PMEPA1: variants seen among roughly 807,000 people sequenced by gnomAD.
PMEPA1 encodes prostate transmembrane protein, androgen induced 1.
Under a neutral mutation model 23.0 loss-of-function variants are expected in PMEPA1, and 11 were observed. The observed-to-expected ratio is 0.48, with a 90% CI of 0.30 to 0.79. The LOEUF is 0.79. Ranked by LOEUF, PMEPA1 falls within the 30% of genes least tolerant of loss-of-function variation. PMEPA1 has a pLI of 0.06. For missense variants in PMEPA1, 377 were observed against 390.9 expected (o/e 0.96, Z 0.30); for synonymous variants, 204 against 166.4 (o/e 1.23, Z -1.74).
At chr20:57,676,426 T>C (rs399966) in intron 1 of PMEPA1, among the ~76,000 whole-genome samples, 1 of 152,206 alleles carries the variant, frequency 6.6e-6, no homozygotes, top group Non-Finnish European at 1.5e-5. Context: ...TGGCAAAGCA[T>C]GCATGCTGAC....
chr20:57,701,164 C>G (rs1003999033), intron 1 of PMEPA1, among the ~76,000 whole-genome samples: 2 of 152,008 alleles, frequency 1.3e-5, no homozygotes, highest in Non-Finnish European at 2.9e-5. Flanking sequence ...TTCTTCCTAC[C>G]CCCATTCCCA....
intron 1 of PMEPA1, among the ~76,000 whole-genome samples, chr20:57,707,535 C>T (rs999254336): frequency 2.6e-5 from 4 of 151,984 alleles, no homozygotes; most frequent in Admixed American, 2.6e-4. Context: ...CTGGCGGCGG[C>T]GGGGCAAAGT....
chr20:57,674,471 G>A lies in PMEPA1; in HGVS notation c.110-14774C>T, dbSNP rs1312314442. Among the ~76,000 whole-genome samples, 9 of 152,352 alleles carry A rather than the reference G, an allele frequency of 5.9e-5. No homozygotes were observed. In the South Asian group the frequency reaches 1.9e-3, roughly 32 times the overall value. On this transcript the variant is annotated intron_variant, in intron 1 of 3. Transcript: ENST00000341744. ...CGGGGTTATTTTATTACAGCGGCCT[G>A]AGCAGAATAATACACCTTGTTTAGA...
At chr20:57,705,447 G>T (rs2072068692) in intron 1 of PMEPA1, among the ~76,000 whole-genome samples, 1 of 152,246 alleles carries the variant, frequency 6.6e-6, no homozygotes, top group African/African-American at 2.4e-5. Context: ...GGGGAGAACA[G>T]CTGGTGTTGG....
chr20:57,652,195 C>G lies in PMEPA1; in HGVS notation c.722G>C (p.Gly241Ala), dbSNP rs755633592. 4 of 1,609,708 alleles carry G rather than the reference C, an allele frequency of 2.5e-6. No homozygotes were observed. The highest frequency in any genetic ancestry group is 2.2e-5 in the South Asian group (2 of 90,698). Reference protein sequence around the residue: ...TYSEVIGHYPGSSFQHQQSSG... With the variant: ...TYSEVIGHYPASSFQHQQSSG... Reference sequence around the variant, plus strand: ...GCTCTGCTGGTGCTGGAAGGAGGACCCCGGGTAGTGGCCGATGACCTCGCT... The same window carrying G: ...GCTCTGCTGGTGCTGGAAGGAGGACGCCGGGTAGTGGCCGATGACCTCGCT... The change falls in exon 4 of 4, where the codon GGG becomes GCG. Residue 241 changes from glycine (G) to alanine (A), a missense_variant. Around this residue, in one of 3 missense-constraint regions of PMEPA1, gnomAD observed 176 missense variants for 173.0 expected, o/e 1.02. Coordinates refer to ENST00000341744, the MANE Select transcript of PMEPA1 (RefSeq NM_020182.5). The surrounding 1 kb of genome is among the most constrained non-coding windows in gnomAD (Gnocchi z 6.1).
chr20:57,652,031 C>T lies in PMEPA1; in HGVS notation c.*22G>A, dbSNP rs376576339. ...TTCTGCCTTTTCACCTACGCAGCCCCAGCCCGGCCCCCCTGGGGACCCTAG... is the reference window on the plus strand; with the variant it reads ...TTCTGCCTTTTCACCTACGCAGCCCTAGCCCGGCCCCCCTGGGGACCCTAG... On this transcript the variant is annotated 3_prime_UTR_variant, in exon 4 of 4. Transcript: ENST00000341744. This position sits in a 1 kb window ranked among gnomAD's most constrained non-coding sequence, Gnocchi z 6.1. 125 of 1,456,212 alleles carry T rather than the reference C, an allele frequency of 8.6e-5. No individual in the cohort carries two copies. Among genetic ancestry groups the T allele is most frequent in the Non-Finnish European group, 1.1e-4 (120 of 1,100,078 alleles). 90.2% of individuals were successfully genotyped at this position (1,456,212 alleles called of 1,614,324 possible). A position where few individuals can be genotyped will look rare whatever the true frequency, so the allele number is the denominator to read the frequency against.
rs1356151508 is a variant in PMEPA1, at chr20:57,705,153, G to A, written c.109+4321C>T. The stretch of plus-strand genomic sequence containing the variant: ...TGTGTGCGCGTGTGTGTGTCTGCAC[G>A]TGTGCGCATGCAAGCACCCACTCAC... On this transcript the variant is annotated intron_variant, in intron 1 of 3. Transcript: ENST00000341744. Among the ~76,000 whole-genome samples the A allele has an allele frequency of 1.1e-4, 16 of 152,356 alleles. No individual in the cohort carries two copies. The South Asian group carries it at 2.1e-3, about 20-fold the overall frequency.
upstream of PMEPA1, chr20:57,710,126 G>A (rs1475316493): frequency 2.5e-6 from 2 of 789,006 alleles, no homozygotes; most frequent in African/African-American, 1.8e-5. Flanking sequence ...GAGCCGGGGG[G>A]CGGGGTGACG....
intron 1 of PMEPA1, among the ~76,000 whole-genome samples, chr20:57,662,625 T>C (rs537934325): frequency 6.6e-6 from 1 of 152,234 alleles, no homozygotes; most frequent in African/African-American, 2.4e-5. Context: ...CCTGATTCTG[T>C]AGGGCCCAGG....
rs2071327180 is a variant in PMEPA1, at chr20:57,656,378, G to A, written c.264+3165C>T. 6.6e-6 allele frequency among the ~76,000 whole-genome samples: 1 copy of A among 151,756 alleles called. No individual in the cohort carries two copies. The highest frequency in any genetic ancestry group is 2.1e-4 in the South Asian group (1 of 4,808). ...GGTGGGCTGGGTTCTCTCGGGAGCA[G>A]GAGACCCACACTGAGGACTGATTGG... On this transcript the variant is annotated intron_variant, in intron 2 of 3. Coordinates refer to ENST00000341744, the MANE Select transcript of PMEPA1 (RefSeq NM_020182.5). The surrounding 1 kb of genome is among the most constrained non-coding windows in gnomAD (Gnocchi z 4.7).
chr20:57,679,032 C>T (rs1012849316), intron 1 of PMEPA1, among the ~76,000 whole-genome samples: 1 of 152,192 alleles, frequency 6.6e-6, no homozygotes, highest in African/African-American at 2.4e-5. Flanking sequence ...CTGAACAACA[C>T]GAGTGTTTTT....
upstream of PMEPA1, chr20:57,710,622 G>A (rs922577035): frequency 7.2e-6 from 5 of 690,662 alleles, no homozygotes; most frequent in Admixed American, 2.8e-5. Context: ...CATGTAAATA[G>A]CTGTCGGGGA....
At chr20:57,696,532 G>C (rs1020301165) in intron 1 of PMEPA1, among the ~76,000 whole-genome samples, 4 of 152,214 alleles carry the variant, frequency 2.6e-5, no homozygotes, top group African/African-American at 9.6e-5. Flanking sequence ...GGATTAGTGA[G>C]ACAGGGTGTG....
chr20:57,705,799 C>T (rs1456880601), intron 1 of PMEPA1, among the ~76,000 whole-genome samples: 2 of 152,200 alleles, frequency 1.3e-5, no homozygotes, highest in Admixed American at 6.5e-5. Context: ...ACATTTCTGG[C>T]TGTCAAACCT....
At chr20:57,694,704 C>A (rs1401886108) in intron 1 of PMEPA1, among the ~76,000 whole-genome samples, 1 of 152,162 alleles carries the variant, frequency 6.6e-6, no homozygotes, top group Non-Finnish European at 1.5e-5. Flanking sequence ...TTGCATGTAG[C>A]GCCATGTAAG....
chr20:57,651,907 G>A lies in PMEPA1; in HGVS notation c.*146C>T. ...TGTGCATTCAGACCAGACATCACAT[G>A]TAAATATTTATACACAGGGAGGTGG... On this transcript the variant is annotated 3_prime_UTR_variant, in exon 4 of 4. Transcript: ENST00000341744. The A allele has an allele frequency of 4.0e-6, 2 of 499,698 alleles. No homozygotes were observed. Among genetic ancestry groups the A allele is most frequent in the Non-Finnish European group, 6.7e-6 (2 of 297,828 alleles). The allele number at this position is 499,698 out of a possible 1,614,324, so 31.0% of individuals were successfully genotyped here. A position where few individuals can be genotyped will look rare whatever the true frequency, so the allele number is the denominator to read the frequency against.
chr20:57,657,576 C>T (rs888924475), intron 2 of PMEPA1, among the ~76,000 whole-genome samples: 6 of 152,234 alleles, frequency 3.9e-5, no homozygotes, highest in East Asian at 1.9e-4. Context: ...GCACGCCCTC[C>T]GGACAGCGTG....
In PMEPA1 at chr20:57,650,416, C is replaced by A. The variant is rs2071208882; in HGVS notation, c.*1637G>T. ...GCTCCAGCCACTGGCCCCGGTGGGT[C>A]CCAAAGCCCCACCCCTCATGCTCTC... On this transcript the variant is annotated 3_prime_UTR_variant, in exon 4 of 4. Transcript: ENST00000341744. The A allele has an allele frequency of 2.6e-5, 4 of 152,302 alleles. No individual in the cohort carries two copies. The South Asian group carries it at 8.3e-4, about 32-fold the overall frequency. The allele number at this position is 152,302 out of a possible 1,614,324, so 9.4% of individuals were successfully genotyped here.
intron 1 of PMEPA1, among the ~76,000 whole-genome samples, chr20:57,697,043 G>A (rs1020209982): frequency 1.3e-5 from 2 of 152,244 alleles, no homozygotes; most frequent in African/African-American, 4.8e-5. Flanking sequence ...TAGCTGAAGT[G>A]TGGGGCTGGG....
Sources: allele counts gnomAD v4.1 joint callset (sites outside exome capture counted in the v4.1 genomes callset), GRCh38; gene constraint gnomAD v4.1.1; regional missense constraint gnomAD v4.1.1; non-coding constraint Gnocchi (gnomAD v3.1); transcripts MANE v1.5; gene names NCBI Gene and HGNC (gene_info 2026-07-23, HGNC 2026-07-21).